Variants in SEMA6D observed in about 807,000 individuals in gnomAD.
SEMA6D encodes semaphorin-6D.
Under a neutral mutation model 106.6 loss-of-function variants are expected in SEMA6D, and 35 were observed. That is an observed-to-expected ratio of 0.33 (90% CI 0.25 to 0.44). The LOEUF (loss-of-function observed/expected upper bound fraction) is 0.44. Among genes scored for constraint, SEMA6D ranks in the 20% least tolerant of loss-of-function variants. The probability of loss-of-function intolerance (pLI) is 1.00; values close to 1 mark genes in which losing one functional copy is unlikely to be tolerated. For synonymous variants in SEMA6D, 499 were observed against 487.7 expected, an observed-to-expected ratio of 1.02 and a Z score of -0.31; for missense variants, 1,185 against 1,345.9, an observed-to-expected ratio of 0.88 and a Z score of 1.87.
At chr15:47,228,951 T>C (rs1364691374) in intron 1 of SEMA6D, among the ~76,000 whole-genome samples, 1 of 152,086 alleles carries the variant, frequency 6.6e-6, no homozygotes, top group African/African-American at 2.4e-5. Flanking sequence ...CAGTGTTTAA[T>C]GAGTGAATGA....
chr15:47,511,720 G>T (rs562935108), intron 3 of SEMA6D, among the ~76,000 whole-genome samples: 1 of 152,230 alleles, frequency 6.6e-6, no homozygotes. Flanking sequence ...GGAAATCAAG[G>T]GAGCTGAGTA....
intron 4 of SEMA6D, among the ~76,000 whole-genome samples, chr15:47,662,178 A>C (rs1359595980): frequency 6.6e-6 from 1 of 152,126 alleles, no homozygotes. Context: ...ACAGAGATGC[A>C]ATGTTGGAGC....
At chr15:47,514,187 T>G (rs988515464) in intron 3 of SEMA6D, among the ~76,000 whole-genome samples, 12 of 152,262 alleles carry the variant, frequency 7.9e-5, no homozygotes, top group African/African-American at 2.9e-4. Flanking sequence ...AGAATTCCCT[T>G]TCAAGTCTTC....
At chr15:47,472,354 A>G (rs532904457) in intron 3 of SEMA6D, among the ~76,000 whole-genome samples, 1 of 152,348 alleles carries the variant, frequency 6.6e-6, no homozygotes, top group Non-Finnish European at 1.5e-5. Context: ...TACTGGCAGT[A>G]TTAGAATTAG....
intron 1 of SEMA6D, among the ~76,000 whole-genome samples, chr15:47,746,524 A>G (rs1024110754): frequency 1.3e-5 from 2 of 152,172 alleles, no homozygotes; most frequent in African/African-American, 4.8e-5. Context: ...GGCTTCATGG[A>G]GTACATTGAA....
At chr15:47,724,596 G>T (rs1360334173) in intron 1 of SEMA6D, among the ~76,000 whole-genome samples, 1 of 151,888 alleles carries the variant, frequency 6.6e-6, no homozygotes, top group African/African-American at 2.4e-5. Flanking sequence ...TGTTGAGAGG[G>T]AGGGAATTCC....
At position 47,772,346 on chromosome 15, in the gene SEMA6D, TTG is replaced by T. The variant is rs746420427; in HGVS notation, c.*570_*571del. The T allele has an allele frequency of 1.2e-5, 1 of 83,590 alleles. No individual in the cohort carries two copies. Among genetic ancestry groups the T allele is most frequent in the Non-Finnish European group, 2.4e-5 (1 of 42,414 alleles). 5.2% of individuals were successfully genotyped at this position (83,590 alleles called of 1,614,324 possible). A position where few individuals can be genotyped will look rare whatever the true frequency, so the allele number is the denominator to read the frequency against. The stretch of plus-strand genomic sequence containing the variant: ...CTTTTTCATGCCACCAACAAACTTG[TTG>T]TGTGTGTGCGTGTGTGTGTGTGTGT... On this transcript the variant is annotated 3_prime_UTR_variant, in exon 19 of 19. Transcript: ENST00000536845.
intron 4 of SEMA6D, among the ~76,000 whole-genome samples, chr15:47,627,523 T>C (rs2077223857): frequency 6.6e-6 from 1 of 152,186 alleles, no homozygotes; most frequent in Non-Finnish European, 1.5e-5. Flanking sequence ...CACAGAGATA[T>C]GGTGAGAATT....
intron 1 of SEMA6D, among the ~76,000 whole-genome samples, chr15:47,270,578 C>T (rs2034513603): frequency 1.3e-5 from 2 of 152,218 alleles, no homozygotes; most frequent in Non-Finnish European, 2.9e-5. Context: ...TTGCCATTAA[C>T]TTTGATGTGA....
At chr15:47,572,740 G>A (rs1420966786) in intron 3 of SEMA6D, among the ~76,000 whole-genome samples, 1 of 152,044 alleles carries the variant, frequency 6.6e-6, no homozygotes, top group Non-Finnish European at 1.5e-5. Context: ...GCTTTTCCAG[G>A]AAATCTTAAC....
At chr15:47,200,396 CA>C (rs777482191) in intron 1 of SEMA6D, among the ~76,000 whole-genome samples, 6 of 152,092 alleles carry the variant, frequency 3.9e-5, no homozygotes, top group African/African-American at 1.2e-4. Flanking sequence ...GGAGAGTTGG[CA>C]ACCCTTCTCT....
At chr15:47,727,810 A>C (rs1452899703) in intron 1 of SEMA6D, among the ~76,000 whole-genome samples, 2 of 152,244 alleles carry the variant, frequency 1.3e-5, no homozygotes, top group African/African-American at 4.8e-5. Context: ...ATTTAATGAT[A>C]AACTGAGATA....
chr15:47,507,402 G>C (rs1266817206), intron 3 of SEMA6D, among the ~76,000 whole-genome samples: 2 of 140,222 alleles, frequency 1.4e-5, no homozygotes, highest in Non-Finnish European at 3.0e-5. Context: ...CTGAGTCGGA[G>C]ACTGGCTTCT....
chr15:47,717,855 T>G, intron 1 of SEMA6D, among the ~76,000 whole-genome samples, 163 bp downstream of exon 1: 1 of 146,472 alleles, frequency 6.8e-6, no homozygotes, highest in African/African-American at 2.5e-5. Context: ...TGTGTGTGTG[T>G]GTGTGTGTGT....
At chr15:47,672,919 T>C (rs2078166156) in intron 4 of SEMA6D, among the ~76,000 whole-genome samples, 1 of 152,170 alleles carries the variant, frequency 6.6e-6, no homozygotes, top group African/African-American at 2.4e-5. Context: ...ATTGGTTGGG[T>C]TACCCAAAAG....
At chr15:47,756,270 A>G (rs936905488) in intron 1 of SEMA6D, among the ~76,000 whole-genome samples, 12 of 151,712 alleles carry the variant, frequency 7.9e-5, no homozygotes, top group Non-Finnish European at 1.5e-4. Flanking sequence ...TGCCCCTGTC[A>G]TTGTTTGGAT....
chr15:47,407,089 G>C (rs372116636), intron 1 of SEMA6D, among the ~76,000 whole-genome samples: 17 of 152,038 alleles, frequency 1.1e-4, no homozygotes, highest in African/African-American at 2.9e-4. Flanking sequence ...AGGCCGGGCC[G>C]GGGGGTGGCT....
intron 4 of SEMA6D, among the ~76,000 whole-genome samples, chr15:47,627,591 A>C (rs1402746849): frequency 6.6e-6 from 1 of 152,192 alleles, no homozygotes; most frequent in Non-Finnish European, 1.5e-5. Context: ...TAAGTACTCA[A>C]TAAATGCTCT....
intron 2 of SEMA6D, among the ~76,000 whole-genome samples, chr15:47,468,349 G>T (rs1052804642): frequency 6.6e-6 from 1 of 152,206 alleles, no homozygotes; most frequent in Non-Finnish European, 1.5e-5. Flanking sequence ...AATCGAAGAA[G>T]TGGTAAAATG....
Sources: gnomAD v4.1 joint callset for allele counts (sites outside exome capture counted in the v4.1 genomes callset) on GRCh38, gnomAD v4.1.1 for gene constraint, MANE v1.5 for transcripts, NCBI Gene and HGNC (gene_info 2026-07-23, HGNC 2026-07-21) for gene names.